Variants in ABI1 observed in about 807,000 individuals in gnomAD.
The protein encoded by ABI1 is Abelson interactor 1.
ABI1 carries 14 observed loss-of-function variants against 54.6 expected under a neutral mutation model. The ratio of observed to expected loss-of-function variants is 0.26; its 90% CI spans 0.17 to 0.40. ABI1 has a LOEUF of 0.40. Among genes scored for constraint, ABI1 ranks in the 10% least tolerant of loss-of-function variants. The pLI, the probability that ABI1 is intolerant of heterozygous loss-of-function variation, is 1.00. For synonymous variants in ABI1, 194 were observed against 209.3 expected (o/e 0.93, Z 0.63); for missense variants, 443 against 598.3 (o/e 0.74, Z 2.71).
intron 2 of ABI1, among the ~76,000 whole-genome samples, chr10:26,818,221 A>G (rs2047714266): frequency 4.0e-5 from 6 of 151,474 alleles, no homozygotes; most frequent in Middle Eastern, 6.8e-3. Context: ...AAAGGACTCA[A>G]ATCATATAAT....
intron 2 of ABI1, among the ~76,000 whole-genome samples, chr10:26,802,033 G>A (rs75278587): frequency 2.4e-3 from 359 of 152,250 alleles, no homozygotes; most frequent in African/African-American, 8.4e-3. Flanking sequence ...GAGAAACAGG[G>A]GAAAACCACC....
At chr10:26,835,909 C>A (rs150201103) in intron 1 of ABI1, among the ~76,000 whole-genome samples, 1 of 151,672 alleles carries the variant, frequency 6.6e-6, no homozygotes, top group African/African-American at 2.4e-5. Context: ...GCCACCATGT[C>A]TGGCTAACTT....
chr10:26,763,871 C>A, intron 7 of ABI1: 1 of 1,609,162 alleles, frequency 6.2e-7, no homozygotes, highest in Non-Finnish European at 8.5e-7. Context: ...AATGGCTATG[C>A]AATCTCACCT....
intron 3 of ABI1, among the ~76,000 whole-genome samples, chr10:26,776,455 C>T (rs951783583): frequency 1.3e-5 from 2 of 152,130 alleles, no homozygotes. Flanking sequence ...ATTCCAAATG[C>T]TTGCAAAATG....
chr10:26,790,240 T>C (rs565307642), intron 2 of ABI1, among the ~76,000 whole-genome samples: 11 of 152,306 alleles, frequency 7.2e-5, no homozygotes, highest in African/African-American at 2.4e-4. Context: ...CTAATTTACA[T>C]TCCCACCAGC....
At chr10:26,773,870 G>C (rs1249159262) in intron 3 of ABI1, among the ~76,000 whole-genome samples, 1 of 152,140 alleles carries the variant, frequency 6.6e-6, no homozygotes. Context: ...CCCGATTCAT[G>C]AATCACTGTA....
intron 9 of ABI1, among the ~76,000 whole-genome samples, chr10:26,753,734 T>C (rs1230005220): frequency 6.6e-6 from 1 of 152,194 alleles, no homozygotes; most frequent in Non-Finnish European, 1.5e-5. Flanking sequence ...TGATACATAT[T>C]TTAACACCAA....
intron 3 of ABI1, among the ~76,000 whole-genome samples, chr10:26,774,750 G>T (rs1489425241): frequency 6.6e-6 from 1 of 151,866 alleles, no homozygotes; most frequent in African/African-American, 2.4e-5. Context: ...AAAATGCAAT[G>T]GAATATTAAT....
In ABI1 at chr10:26,860,718, A is replaced by G. The variant is rs2051242434; in HGVS notation, c.117+29T>C. The G allele has an allele frequency of 1.3e-6, 2 of 1,585,240 alleles. No homozygotes were observed. Among genetic ancestry groups the G allele is most frequent in the East Asian group, 2.2e-5 (1 of 44,680 alleles). On this transcript the variant is annotated intron_variant, in intron 1 of 10. Coordinates refer to ENST00000376140, the MANE Select transcript of ABI1 (RefSeq NM_001012750.3). This position sits in a 1 kb window ranked among gnomAD's most constrained non-coding sequence, Gnocchi z 4.1. ...ACTCCGGCGGGTCCTCGACCCGGCC[A>G]GCGCCCGCCGGCCGCCAGAGCGCCT...
intron 4 of ABI1, among the ~76,000 whole-genome samples, chr10:26,770,857 T>C (rs1226448276): frequency 5.3e-5 from 8 of 152,202 alleles, no homozygotes; most frequent in Non-Finnish European, 1.2e-4. Flanking sequence ...AAAATTAATG[T>C]TCCTATATAA....
intron 2 of ABI1, among the ~76,000 whole-genome samples, chr10:26,796,154 T>C (rs1055195406): frequency 5.3e-5 from 8 of 151,982 alleles, no homozygotes; most frequent in Non-Finnish European, 1.0e-4. Context: ...ACCATGGTTA[T>C]TTTGGGGGGA....
chr10:26,856,301 A>G (rs1341551749), intron 1 of ABI1, among the ~76,000 whole-genome samples: 1 of 151,462 alleles, frequency 6.6e-6, no homozygotes, highest in Non-Finnish European at 1.5e-5. Context: ...CCCATTCAGG[A>G]TTAATTAGAT....
chr10:26,783,486 C>G (rs772671703), intron 2 of ABI1, among the ~76,000 whole-genome samples: 9 of 152,138 alleles, frequency 5.9e-5, no homozygotes, highest in Non-Finnish European at 1.3e-4. Flanking sequence ...TTAATCAACT[C>G]AAAAGATTTC....
intron 2 of ABI1, among the ~76,000 whole-genome samples, chr10:26,784,350 ATT>A (rs1842476280): frequency 6.6e-6 from 1 of 152,204 alleles, no homozygotes. Context: ...GATGAATGCC[ATT>A]GAGTTGGTGG....
chr10:26,853,654 T>A (rs1385725348), intron 1 of ABI1, among the ~76,000 whole-genome samples: 1 of 150,608 alleles, frequency 6.6e-6, no homozygotes, highest in Non-Finnish European at 1.5e-5. Context: ...TTCAGCCGCC[T>A]CAGCCTCCCA....
chr10:26,786,161 T>G (rs527258711), intron 2 of ABI1, among the ~76,000 whole-genome samples: 1 of 152,196 alleles, frequency 6.6e-6, no homozygotes, highest in Admixed American at 6.5e-5. Context: ...GATACAATCA[T>G]TGATTCATTG....
intron 2 of ABI1, among the ~76,000 whole-genome samples, chr10:26,779,198 T>A (rs191012191): frequency 4.4e-4 from 67 of 152,292 alleles, no homozygotes; most frequent in African/African-American, 1.6e-3. Flanking sequence ...TTAGTAGAAA[T>A]TGAGAAAAGT....
intron 6 of ABI1, among the ~76,000 whole-genome samples, chr10:26,768,073 A>G (rs1191165920): frequency 4.6e-5 from 7 of 151,900 alleles, no homozygotes; most frequent in Non-Finnish European, 1.0e-4. Flanking sequence ...TATTATTATT[A>G]TAACAACATA....
intron 2 of ABI1, among the ~76,000 whole-genome samples, chr10:26,779,070 G>A (rs1379054406): frequency 2.6e-5 from 4 of 152,118 alleles, no homozygotes; most frequent in Non-Finnish European, 4.4e-5. Flanking sequence ...AATTGTGGTA[G>A]GCTAACTCAT....
Sources: gnomAD v4.1 joint callset for allele counts (sites outside exome capture counted in the v4.1 genomes callset) on GRCh38, gnomAD v4.1.1 for gene constraint, Gnocchi (gnomAD v3.1) non-coding constraint, MANE v1.5 for transcripts, NCBI Gene and HGNC (gene_info 2026-07-23, HGNC 2026-07-21) for gene names.